Variants in NFS1 observed in about 807,000 individuals in gnomAD.
NFS1 encodes the protein cysteine desulfurase.
Under a neutral mutation model 57.3 loss-of-function variants are expected in NFS1, and 26 were observed. The observed-to-expected ratio is 0.45, with a 90% confidence interval of 0.33 to 0.63. The LOEUF (loss-of-function observed/expected upper bound fraction) is 0.63, where lower values mean the gene tolerates loss of function less well. NFS1 is among the 20% of genes least tolerant of loss of function. The probability of loss-of-function intolerance (pLI) is 0.02; values close to 1 mark genes in which losing one functional copy is unlikely to be tolerated. For synonymous variants in NFS1, 209 were observed against 216.3 expected, an observed-to-expected ratio of 0.97 and a Z score of 0.30; for missense variants, 505 against 605.8, an observed-to-expected ratio of 0.83 and a Z score of 1.75.
chr20:35,690,604 CAG>C (rs773755186), intron 4 of NFS1, 39 bp from the exon 5 acceptor site: 23 of 1,606,330 alleles, frequency 1.4e-5, no homozygotes, highest in Admixed American at 3.4e-5. Context: ...AGAACATACT[CAG>C]AGAGACAGCA....
At chr20:35,696,703 T>G (rs556970043) in intron 3 of NFS1, among the ~76,000 whole-genome samples, 2 of 152,022 alleles carry the variant, frequency 1.3e-5, no homozygotes, top group Admixed American at 6.6e-5. Flanking sequence ...GTGTGGTGGG[T>G]CACTCCTGTA....
At chr20:35,696,535 GC>G in intron 3 of NFS1, 75 bp from the exon 4 acceptor site, 3 of 1,125,420 alleles carry the variant, frequency 2.7e-6, no homozygotes, top group Non-Finnish European at 4.0e-6. Flanking sequence ...AGGTGGGACA[GC>G]CCTGGAGCAA....
In NFS1 at chr20:35,668,454, A is replaced by G. The variant is rs576615009; in HGVS notation, c.*1168T>C. 1 of 152,332 alleles carries G rather than the reference A, an allele frequency of 6.6e-6. No individual in the cohort carries two copies. The highest frequency in any genetic ancestry group is 1.9e-4 in the East Asian group (1 of 5,188). The allele number at this position is 152,332 out of a possible 1,614,324, so 9.4% of individuals were successfully genotyped here. A position where few individuals can be genotyped will look rare whatever the true frequency, so the allele number is the denominator to read the frequency against. On this transcript the variant is annotated 3_prime_UTR_variant, in exon 13 of 13. Coordinates refer to ENST00000374092, the MANE Select transcript of NFS1 (RefSeq NM_021100.5). ...ACCCACCTATGGGTTCAGACCCACA[A>G]ATGAAAAGCTCTAGTTACAATGGCC... is the stretch of plus-strand genomic sequence containing the variant.
intron 7 of NFS1, among the ~76,000 whole-genome samples, chr20:35,677,568 T>C (rs1200380845): frequency 2.0e-5 from 3 of 152,068 alleles, no homozygotes; most frequent in Non-Finnish European, 4.4e-5. Flanking sequence ...AAAATGCGTA[T>C]AACCTGTGAC....
chr20:35,698,826 T>C (rs1407375822), intron 1 of NFS1: 1 of 1,324,832 alleles, frequency 7.5e-7, no homozygotes, highest in Non-Finnish European at 9.7e-7. Flanking sequence ...AATGGTATCG[T>C]AGGAAGGAAG....
chr20:35,693,268 T>G (rs1021403971), intron 4 of NFS1, among the ~76,000 whole-genome samples: 1 of 151,970 alleles, frequency 6.6e-6, no homozygotes, highest in African/African-American at 2.4e-5. Flanking sequence ...GCTAATTTTT[T>G]GTATTTTTTA....
In NFS1 at chr20:35,698,547, G is replaced by A. The variant is rs1197104949; in HGVS notation, c.141C>T (p.Ala47=). The A allele has an allele frequency of 1.2e-6, 2 of 1,613,742 alleles. No homozygotes were observed. The highest frequency in any genetic ancestry group is 1.7e-6 in the Non-Finnish European group (2 of 1,179,858). The part of the protein sequence containing the change: ...APQSAVPADT[A]AAPEVGPVLR... ...GCACTGGCCCCACCTCCGGGGCAGC[G>A]GCTGTATCTGCGGGAACCGCAGACT... The change falls in exon 2 of 13, where the codon GCC becomes GCT. Residue 47 remains alanine, a synonymous_variant. Transcript: ENST00000374092.
chr20:35,678,425 G>C (rs2146417925), intron 7 of NFS1, among the ~76,000 whole-genome samples: 1 of 151,948 alleles, frequency 6.6e-6, no homozygotes, highest in Non-Finnish European at 1.5e-5. Flanking sequence ...CTACTTGGGA[G>C]GCTGAGGCAG....
At chr20:35,686,744 G>C (rs1221638165) in intron 5 of NFS1, among the ~76,000 whole-genome samples, 1 of 152,102 alleles carries the variant, frequency 6.6e-6, no homozygotes, top group Admixed American at 6.6e-5. Flanking sequence ...AGCCACCCAG[G>C]TGCCGAGGCA....
intron 10 of NFS1, chr20:35,673,906 C>G (rs954679910): frequency 6.1e-6 from 3 of 494,912 alleles, no homozygotes; most frequent in African/African-American, 5.8e-5. Context: ...CTTCCTTAAG[C>G]AAGGACGCTG....
intron 6 of NFS1, among the ~76,000 whole-genome samples, chr20:35,681,580 C>T (rs2034849238): frequency 6.6e-6 from 1 of 152,142 alleles, no homozygotes; most frequent in South Asian, 2.1e-4. Flanking sequence ...CACCTGTAGT[C>T]CCAGCTACTC....
rs2034703243 is a variant in NFS1 at position 35,674,378 on chromosome 20, G to C, written c.1108C>G (p.Leu370Val). The change falls in exon 10 of 13, where the codon CTG (leucine) becomes GTG (valine). Residue 370 changes from leucine to valine, a missense_variant. Leu to Val is a conservative substitution (Grantham distance 32, BLOSUM62 1). Coordinates refer to ENST00000374092, the MANE Select transcript of NFS1 (RefSeq NM_021100.5). Reference protein sequence around the residue: ...YVEGESLLMALKDVALSSGSA... With the variant: ...YVEGESLLMAVKDVALSSGSA... The stretch of plus-strand genomic sequence containing the variant: ...CCTGAGGATAAGGCAACGTCCTTCA[G>C]TGCCATCAGCAGACTTTCCCCTTCC... 1 of 1,614,038 alleles carries C rather than the reference G, an allele frequency of 6.2e-7. No individual in the cohort carries two copies. Among genetic ancestry groups the C allele is most frequent in the Non-Finnish European group, 8.5e-7 (1 of 1,179,940 alleles).
chr20:35,692,411 A>AG (rs1269291978), intron 4 of NFS1: 5 of 168,082 alleles, frequency 3.0e-5, no homozygotes, highest in Admixed American at 6.5e-5. Context: ...AAAAAAAAAA[A>AG]GGGGGCTGGA....
At chr20:35,689,993 G>T (rs1026172899) in intron 5 of NFS1, among the ~76,000 whole-genome samples, 3 of 151,132 alleles carry the variant, frequency 2.0e-5, no homozygotes. Flanking sequence ...CAGCTACTCG[G>T]GAGGGTGAGG....
At chr20:35,680,300 G>A (rs1379856947) in intron 7 of NFS1, among the ~76,000 whole-genome samples, 7 of 151,516 alleles carry the variant, frequency 4.6e-5, no homozygotes, top group Admixed American at 2.6e-4. Context: ...GCGAGACTCC[G>A]TCTCAAGAAA....
At chr20:35,692,207 A>AAT (rs752276924) in intron 4 of NFS1, 15 of 257,200 alleles carry the variant, frequency 5.8e-5, no homozygotes, top group Non-Finnish European at 9.8e-5. Context: ...TAAATAAATA[A>AAT]AAATAAAAAT....
At chr20:35,682,847 G>A (rs1392997661) in intron 5 of NFS1, 1 of 153,924 alleles carries the variant, frequency 6.5e-6, no homozygotes, top group Non-Finnish European at 1.4e-5. Context: ...GGGAGGCTGA[G>A]GCAGGCGGAT....
chr20:35,675,154 G>T lies in NFS1; in HGVS notation c.839C>A (p.Ala280Asp). The T allele has an allele frequency of 6.2e-7, 1 of 1,613,866 alleles. No homozygotes were observed. Among genetic ancestry groups the T allele is most frequent in the Non-Finnish European group, 8.5e-7 (1 of 1,180,004 alleles). The change falls in exon 8 of 13, where the codon GCC becomes GAC. Residue 280 changes from alanine to aspartate, a missense_variant. Physicochemically the swap from Ala to Asp is moderately radical, Grantham distance 126. Transcript: ENST00000374092. The part of the protein sequence containing the change: ...IRRRPRVRVE[A>D]LQSGGGQERG... ...CTCCTGCCCCCCTCCACTCTGCAGG[G>T]CCTCCACACGCACACGGGGCCGGCG...
intron 5 of NFS1, among the ~76,000 whole-genome samples, chr20:35,689,011 T>G (rs1241240683): frequency 1.3e-5 from 2 of 152,192 alleles, no homozygotes; most frequent in Non-Finnish European, 2.9e-5. Context: ...CTAGGAATGC[T>G]GATATCCAAA....
Sources: allele counts gnomAD v4.1 joint callset (sites outside exome capture counted in the v4.1 genomes callset), GRCh38; gene constraint gnomAD v4.1.1; transcripts MANE v1.5; gene names NCBI Gene and HGNC (gene_info 2026-07-23, HGNC 2026-07-21).